The following ASAP2 variants were observed in gnomAD, a reference collection of about 807,000 sequenced individuals.
ASAP2 encodes the protein ArfGAP with SH3 domain, ankyrin repeat and PH domain 2.
In ASAP2, 45 loss-of-function variants were observed where a neutral mutation model predicts 131.4. The observed-to-expected ratio is 0.34, with a 90% CI of 0.27 to 0.44. The LOEUF (loss-of-function observed/expected upper bound fraction) is 0.44, where lower values mean the gene tolerates loss of function less well. Ranked by LOEUF, ASAP2 falls within the 20% of genes least tolerant of loss-of-function variation. The pLI, the probability that ASAP2 is intolerant of heterozygous loss-of-function variation, is 1.00. For missense variants in ASAP2, 1,011 were observed against 1,297.0 expected (o/e 0.78, Z 3.39); for synonymous variants, 510 against 503.0 (o/e 1.01, Z -0.19).
chr2:9,381,769 G>A (rs940175688), intron 20 of ASAP2, among the ~76,000 whole-genome samples: 2 of 152,026 alleles, frequency 1.3e-5, no homozygotes, highest in Non-Finnish European at 2.9e-5. Context: ...TGGGTGTGGT[G>A]GCACGCACCT....
intron 18 of ASAP2, among the ~76,000 whole-genome samples, chr2:9,377,628 G>T (rs964376811): frequency 2.6e-5 from 4 of 152,174 alleles, no homozygotes; most frequent in African/African-American, 9.7e-5. Context: ...TTGACTCCCT[G>T]ATCGTGGTTT....
At chr2:9,289,482 G>T (rs1667664397) in intron 2 of ASAP2, among the ~76,000 whole-genome samples, 1 of 152,100 alleles carries the variant, frequency 6.6e-6, no homozygotes, top group Non-Finnish European at 1.5e-5. Context: ...CACAATGAAT[G>T]AATAAAAGTA....
intron 14 of ASAP2, 142 bp from the exon 15 acceptor site, chr2:9,358,614 T>C (rs551479607): frequency 1.9e-6 from 2 of 1,056,916 alleles, no homozygotes; most frequent in Non-Finnish European, 1.4e-6. Flanking sequence ...GTGGTAATTA[T>C]GGACAAAGTT....
intron 1 of ASAP2, among the ~76,000 whole-genome samples, chr2:9,264,440 A>G (rs1308256654): frequency 3.9e-5 from 6 of 152,016 alleles, no homozygotes; most frequent in African/African-American, 1.5e-4. Context: ...TGCTGTTCTC[A>G]TTATGAGTCC....
At chr2:9,371,758 C>T (rs1345565542) in intron 16 of ASAP2, among the ~76,000 whole-genome samples, 1 of 152,080 alleles carries the variant, frequency 6.6e-6, no homozygotes, top group Non-Finnish European at 1.5e-5. Context: ...GTAAGGAGAG[C>T]CCCTCCTCTG....
At chr2:9,215,238 T>C (rs1661934468) in intron 1 of ASAP2, among the ~76,000 whole-genome samples, 2 of 152,344 alleles carry the variant, frequency 1.3e-5, no homozygotes, top group South Asian at 2.1e-4. Flanking sequence ...ATCCCTCTTA[T>C]AATCTTATGA....
rs1422448165 is a variant in ASAP2 at position 9,388,633 on chromosome 2, A to G, written c.2383+87A>G. 2.6e-6 allele frequency: 4 copies of G among 1,522,520 alleles called. No homozygotes were observed. The African/African-American group carries it at 5.6e-5, about 21-fold the overall frequency. The allele number at this position is 1,522,520 out of a possible 1,614,324, so 94.3% of individuals were successfully genotyped here. A position where few individuals can be genotyped will look rare whatever the true frequency, so the allele number is the denominator to read the frequency against. ...TTTGCAGCTGCCCTGCCTCCAACTC[A>G]GTGACCTTTGGGCTCTTTTGTTTTG... On this transcript the variant is annotated intron_variant, in intron 22 of 27. Coordinates refer to ENST00000281419, the MANE Select transcript of ASAP2 (RefSeq NM_003887.3).
chr2:9,324,357 A>G (rs1288305371), intron 6 of ASAP2, among the ~76,000 whole-genome samples: 1 of 152,206 alleles, frequency 6.6e-6, no homozygotes, highest in African/African-American at 2.4e-5. Context: ...CATTTTGTCT[A>G]ATGTTAGAAT....
intron 9 of ASAP2, chr2:9,335,955 C>T (rs910595804): frequency 1.3e-5 from 2 of 152,032 alleles, no homozygotes; most frequent in Non-Finnish European, 2.9e-5. Flanking sequence ...GTTTGGTGAG[C>T]TCTATTTTAT....
intron 1 of ASAP2, among the ~76,000 whole-genome samples, chr2:9,269,800 G>T (rs926626394): frequency 1.3e-5 from 2 of 152,222 alleles, no homozygotes; most frequent in African/African-American, 4.8e-5. Flanking sequence ...TGGCTACCCT[G>T]TTGGACAGCA....
chr2:9,290,730 G>A (rs913852019), intron 2 of ASAP2, among the ~76,000 whole-genome samples: 48 of 152,204 alleles, frequency 3.2e-4, no homozygotes, highest in African/African-American at 1.2e-3. Context: ...AGAGGCTCAG[G>A]TGAGCGCTGG....
At chr2:9,257,775 C>T (rs1050093108) in intron 1 of ASAP2, among the ~76,000 whole-genome samples, 2 of 152,160 alleles carry the variant, frequency 1.3e-5, no homozygotes, top group East Asian at 1.9e-4. Context: ...CCGCCCGCCT[C>T]GGCCTCCCAA....
At chr2:9,227,317 C>T (rs6719453) in intron 1 of ASAP2, among the ~76,000 whole-genome samples, 83,875 of 151,970 alleles carry the variant, frequency 0.55, 24,823 homozygotes, top group African/African-American at 0.78. Flanking sequence ...CAGTGCCTGA[C>T]GCATGAGTGT....
chr2:9,225,500 C>T (rs944144750), intron 1 of ASAP2, among the ~76,000 whole-genome samples: 8 of 152,204 alleles, frequency 5.3e-5, no homozygotes, highest in African/African-American at 1.4e-4. Context: ...TCTGTGGTCC[C>T]GATTTTACCT....
intron 2 of ASAP2, among the ~76,000 whole-genome samples, chr2:9,293,685 TGTC>T (rs539674116): frequency 1.1e-3 from 161 of 152,244 alleles, no homozygotes; most frequent in African/African-American, 3.7e-3. Context: ...GGATGGCTGT[TGTC>T]GTGGTGGGCA....
intron 24 of ASAP2, 84 bp downstream of exon 24, chr2:9,393,731 T>A (rs895635705): frequency 7.3e-7 from 1 of 1,367,116 alleles, no homozygotes; most frequent in South Asian, 1.4e-5. Context: ...ATGTTTGCAA[T>A]CCCCAGGGCT....
At chr2:9,220,492 A>G (rs1662338944) in intron 1 of ASAP2, among the ~76,000 whole-genome samples, 1 of 152,190 alleles carries the variant, frequency 6.6e-6, no homozygotes, top group African/African-American at 2.4e-5. Flanking sequence ...GTTGTTTTAT[A>G]TGCCCATGGC....
chr2:9,273,439 T>A (rs542554868), intron 1 of ASAP2, among the ~76,000 whole-genome samples: 1 of 152,244 alleles, frequency 6.6e-6, no homozygotes, highest in Non-Finnish European at 1.5e-5. Context: ...AACCACCCAA[T>A]GGGTTCACCT....
intron 1 of ASAP2, among the ~76,000 whole-genome samples, chr2:9,246,688 C>A (rs1664359841): frequency 6.6e-6 from 1 of 152,214 alleles, no homozygotes; most frequent in Admixed American, 6.5e-5. Flanking sequence ...ATCTTTACTA[C>A]AACTTTCTTT....
Sources: gnomAD v4.1 joint callset for allele counts (sites outside exome capture counted in the v4.1 genomes callset) on GRCh38, gnomAD v4.1.1 for gene constraint, MANE v1.5 for transcripts, NCBI Gene and HGNC (gene_info 2026-07-23, HGNC 2026-07-21) for gene names.